The following AUTS2 variants were observed in gnomAD, a reference collection of about 807,000 sequenced individuals.
AUTS2 encodes activator of transcription and developmental regulator AUTS2.
In AUTS2, 17 loss-of-function variants were observed where a neutral mutation model predicts 112.4. That is an observed-to-expected ratio of 0.15 (90% CI 0.10 to 0.23). AUTS2 has a LOEUF of 0.23. Among genes scored for constraint, AUTS2 ranks in the 10% least tolerant of loss-of-function variants. The probability of loss-of-function intolerance (pLI) is 1.00; values close to 1 mark genes in which losing one functional copy is unlikely to be tolerated. For missense variants in AUTS2, 1,510 were observed against 1,701.6 expected, an observed-to-expected ratio of 0.89 and a Z score of 1.98; for synonymous variants, 751 against 702.7, an observed-to-expected ratio of 1.07 and a Z score of -1.09.
intron 2 of AUTS2, among the ~76,000 whole-genome samples, chr7:70,078,918 G>T (rs1803168677): frequency 6.6e-6 from 1 of 152,200 alleles, no homozygotes; most frequent in Non-Finnish European, 1.5e-5. Context: ...AGAGCTTTCA[G>T]ACACATCTGT....
chr7:70,040,610 C>T (rs982445468), intron 2 of AUTS2, among the ~76,000 whole-genome samples: 1 of 152,128 alleles, frequency 6.6e-6, no homozygotes, highest in Non-Finnish European at 1.5e-5. Context: ...GATCTAATTC[C>T]TTCTGCCACC....
intron 2 of AUTS2, among the ~76,000 whole-genome samples, chr7:70,078,287 C>T (rs879633258): frequency 1.3e-5 from 2 of 152,032 alleles, no homozygotes; most frequent in Non-Finnish European, 2.9e-5. Context: ...AGCATATACA[C>T]CATGCTGGAC....
At chr7:70,787,028 C>T (rs1585693729) in intron 17 of AUTS2, 181 bp from the exon 18 acceptor site, 3 of 718,104 alleles carry the variant, frequency 4.2e-6, no homozygotes, top group Non-Finnish European at 4.9e-6. Context: ...TGAGCTACCT[C>T]TCCAGTGTAG....
chr7:69,624,012 G>A (rs1378542116), intron 1 of AUTS2, among the ~76,000 whole-genome samples: 1 of 152,170 alleles, frequency 6.6e-6, no homozygotes, highest in Non-Finnish European at 1.5e-5. Flanking sequence ...GGTAGGTGGT[G>A]TTTCTTAATT....
chr7:70,437,021 GGCTCTC>G (rs1447774138), intron 5 of AUTS2: 1 of 152,342 alleles, frequency 6.6e-6, no homozygotes, highest in Non-Finnish European at 1.5e-5. Context: ...GATAAGAACA[GGCTCTC>G]GCCTTGAGGT....
At chr7:70,736,165 C>G (rs1787771010) in intron 6 of AUTS2, among the ~76,000 whole-genome samples, 1 of 151,782 alleles carries the variant, frequency 6.6e-6, no homozygotes. Flanking sequence ...AAAAAGCCTT[C>G]ACAAATCAAA....
chr7:70,179,718 T>C (rs1809195876), intron 4 of AUTS2, among the ~76,000 whole-genome samples: 1 of 152,178 alleles, frequency 6.6e-6, no homozygotes, highest in African/African-American at 2.4e-5. Context: ...AATTTTCTGA[T>C]CTAGAGGGAA....
intron 1 of AUTS2, among the ~76,000 whole-genome samples, chr7:69,676,225 T>C (rs193036911): frequency 6.6e-6 from 1 of 152,328 alleles, no homozygotes; most frequent in Non-Finnish European, 1.5e-5. Context: ...ATGAAGCATT[T>C]GGGGATTCAA....
intron 2 of AUTS2, among the ~76,000 whole-genome samples, chr7:69,928,763 G>GGCAGCT (rs1168363143): frequency 2.0e-5 from 3 of 152,034 alleles, no homozygotes; most frequent in Admixed American, 6.6e-5. Context: ...GCCACATCTA[G>GGCAGCT]GCAGCTGCAG....
At chr7:69,711,697 C>G (rs1287261917) in intron 1 of AUTS2, among the ~76,000 whole-genome samples, 3 of 152,092 alleles carry the variant, frequency 2.0e-5, no homozygotes, top group East Asian at 3.9e-4. Context: ...GGAAAATAAC[C>G]AATCAAATTA....
At chr7:70,189,638 T>C (rs1253447774) in intron 4 of AUTS2, among the ~76,000 whole-genome samples, 2 of 152,200 alleles carry the variant, frequency 1.3e-5, no homozygotes, top group Admixed American at 1.3e-4. Flanking sequence ...GTAAAATGTG[T>C]GTTTAAGTGG....
intron 5 of AUTS2, among the ~76,000 whole-genome samples, chr7:70,478,758 C>G (rs1003004259): frequency 6.9e-6 from 1 of 145,004 alleles, no homozygotes; most frequent in Non-Finnish European, 1.5e-5. Flanking sequence ...TTTTTTTTTG[C>G]TCCAGTTTTT....
intron 4 of AUTS2, among the ~76,000 whole-genome samples, chr7:70,295,389 T>G (rs891279135): frequency 6.6e-6 from 1 of 152,226 alleles, no homozygotes; most frequent in East Asian, 1.9e-4. Context: ...TGGAAGATAC[T>G]GTCCTATGTT....
At chr7:69,988,011 AGT>A (rs1254286466) in intron 2 of AUTS2, among the ~76,000 whole-genome samples, 1 of 152,184 alleles carries the variant, frequency 6.6e-6, no homozygotes. Flanking sequence ...GAAAATAATG[AGT>A]GTAACTTTGA....
At chr7:70,459,120 A>T (rs1287747295) in intron 5 of AUTS2, among the ~76,000 whole-genome samples, 1 of 152,232 alleles carries the variant, frequency 6.6e-6, no homozygotes, top group Admixed American at 6.5e-5. Context: ...GGAAGAACAG[A>T]TGCCATATTC....
chr7:70,062,331 G>A (rs898643387), intron 2 of AUTS2, among the ~76,000 whole-genome samples: 1 of 151,760 alleles, frequency 6.6e-6, no homozygotes, highest in Non-Finnish European at 1.5e-5. Context: ...CAACCAACGT[G>A]ATGAAACCCT....
At position 70,345,404 on chromosome 7, in the gene AUTS2, T is replaced by G. The variant is rs182414689; in HGVS notation, c.661-90348T>G. ...CCTTCAGCATTCTTCTCTTTAGTGTTAATTTCTTTGATGGTGGTACCACTT... is the reference window on the plus strand; with the variant it reads ...CCTTCAGCATTCTTCTCTTTAGTGTGAATTTCTTTGATGGTGGTACCACTT... On this transcript the variant is annotated intron_variant, in intron 4 of 18. Transcript: ENST00000342771. 3.9e-5 allele frequency among the ~76,000 whole-genome samples: 6 copies of G among 152,280 alleles called. No homozygotes were observed. The East Asian group carries it at 1.2e-3, about 29-fold the overall frequency.
At chr7:70,174,124 G>A (rs534868058) in intron 4 of AUTS2, among the ~76,000 whole-genome samples, 4 of 152,336 alleles carry the variant, frequency 2.6e-5, no homozygotes, top group East Asian at 1.9e-4. Context: ...AGTGATTAAA[G>A]GAAATAATAG....
intron 2 of AUTS2, among the ~76,000 whole-genome samples, chr7:70,072,201 C>T (rs894247189): frequency 1.3e-5 from 2 of 152,162 alleles, no homozygotes; most frequent in African/African-American, 2.4e-5. Flanking sequence ...GCCAGCCCCT[C>T]CTTTCTTATT....
Sources: allele counts gnomAD v4.1 joint callset (sites outside exome capture counted in the v4.1 genomes callset), GRCh38; gene constraint gnomAD v4.1.1; transcripts MANE v1.5; gene names NCBI Gene and HGNC (gene_info 2026-07-23, HGNC 2026-07-21).